The following ORMDL1 variants were observed in gnomAD, a reference collection of about 807,000 sequenced individuals.
ORMDL1 encodes ORMDL sphingolipid biosynthesis regulator 1.
In ORMDL1, 10 loss-of-function variants were observed where a neutral mutation model predicts 13.0. That is an observed-to-expected ratio of 0.77 (90% CI 0.47 to 1.30). ORMDL1 has a LOEUF of 1.30. Among genes scored for constraint, ORMDL1 ranks in the 50% most tolerant of loss-of-function variants. The pLI is 0.00. For missense variants in ORMDL1, 171 were observed against 186.7 expected (o/e 0.92, Z 0.49); for synonymous variants, 61 against 63.9 (o/e 0.95, Z 0.22).
At chr2:189,779,412 C>G (rs1344148230) in intron 3 of ORMDL1, among the ~76,000 whole-genome samples, 1 of 152,108 alleles carries the variant, frequency 6.6e-6, no homozygotes. Flanking sequence ...ACGCCAGTCT[C>G]TTAAAAACAA....
intron 3 of ORMDL1, chr2:189,778,317 C>A (rs147986634): frequency 0.041 from 18,107 of 441,198 alleles, 480 homozygotes; most frequent in South Asian, 0.068. Context: ...ATCGCTTGAA[C>A]CCAGGAGGGG....
At chr2:189,766,836 A>G (rs1310480709), downstream of ORMDL1, among the ~76,000 whole-genome samples, 1 of 152,246 alleles carries the variant, frequency 6.6e-6, no homozygotes, top group East Asian at 1.9e-4. Flanking sequence ...AGGAGTTCAT[A>G]AAAGTGGGGT....
intron 3 of ORMDL1, among the ~76,000 whole-genome samples, chr2:189,776,677 G>T (rs1239755649): frequency 2.0e-5 from 3 of 152,060 alleles, no homozygotes; most frequent in African/African-American, 7.2e-5. Flanking sequence ...TTCCTTTCAA[G>T]GCTTAGTCTA....
rs924134107 is a variant in ORMDL1, at chr2:189,771,401, T to G, written c.*366A>C. On this transcript the variant is annotated 3_prime_UTR_variant, in exon 5 of 5. Coordinates refer to ENST00000392349, the MANE Select transcript of ORMDL1 (RefSeq NM_016467.5). ...CTTTAAATAACCACAGCTGAATGAC[T>G]GGAAATGTTCTTTTCTTAACACAAT... 1.9e-5 allele frequency: 3 copies of G among 159,330 alleles called. No individual in the cohort carries two copies. Among genetic ancestry groups the G allele is most frequent in the African/African-American group, 7.2e-5 (3 of 41,784 alleles). The allele number at this position is 159,330 out of a possible 1,614,324, so 9.9% of individuals were successfully genotyped here. A position where few individuals can be genotyped will look rare whatever the true frequency, so the allele number is the denominator to read the frequency against.
intron 4 of ORMDL1, among the ~76,000 whole-genome samples, chr2:189,772,120 G>A (rs2047592375): frequency 6.6e-6 from 1 of 152,082 alleles, no homozygotes; most frequent in Non-Finnish European, 1.5e-5. Context: ...TTCCATTTCT[G>A]CAATTGTATT....
intron 4 of ORMDL1, chr2:189,773,954 G>A (rs2047637452): frequency 2.0e-5 from 3 of 152,212 alleles, no homozygotes; most frequent in African/African-American, 7.2e-5. Context: ...TTGGCTTTTT[G>A]TGTGATAGCT....
downstream of ORMDL1, among the ~76,000 whole-genome samples, chr2:189,766,556 T>C (rs955936185): frequency 1.3e-5 from 2 of 152,156 alleles, no homozygotes; most frequent in East Asian, 3.9e-4. Context: ...GATGGCCATC[T>C]CTACTAAGAA....
rs2047560129 is a variant in ORMDL1, at chr2:189,770,735, C to A, written c.*1032G>T. The A allele has an allele frequency of 6.6e-6, 1 of 152,054 alleles. No individual in the cohort carries two copies. The highest frequency in any genetic ancestry group is 6.6e-5 in the Admixed American group (1 of 15,260). 9.4% of individuals were successfully genotyped at this position (152,054 alleles called of 1,614,324 possible). ...CCATTTTGGGCTATATATACTAAAA[C>A]CCACGTATTCAAAGGCAAAATATGG... On this transcript the variant is annotated 3_prime_UTR_variant, in exon 5 of 5. Transcript: ENST00000392349.
chr2:189,782,495 T>A lies in ORMDL1; in HGVS notation c.101A>T (p.His34Leu). ...GAAGGGAATGCTGAGTAAGACAATA[T>A]GAAGCAAGCCAACTCCCAATGCATA... Reference protein sequence around the residue: ...LTYALGVGLLHIVLLSIPFFS... With the variant: ...LTYALGVGLLLIVLLSIPFFS... The change falls in exon 3 of 5, where the codon CAT becomes CTT. Residue 34 changes from histidine to leucine, a missense_variant. Coordinates refer to ENST00000392349, the MANE Select transcript of ORMDL1 (RefSeq NM_016467.5). 6.2e-7 allele frequency: 1 copy of A among 1,614,160 alleles called. No individual in the cohort carries two copies. The highest frequency in any genetic ancestry group is 8.5e-7 in the Non-Finnish European group (1 of 1,180,000).
intron 3 of ORMDL1, among the ~76,000 whole-genome samples, chr2:189,781,644 G>A (rs11899667): frequency 2.7e-4 from 41 of 151,326 alleles, no homozygotes; most frequent in Admixed American, 1.2e-3. Context: ...AAACTAAAAT[G>A]ATCTATTTTC....
At chr2:189,764,385 A>G in the ORMDL1 span, 3 of 152,196 alleles carry the variant, frequency 2.0e-5, no homozygotes, top group East Asian at 3.9e-4. Flanking sequence ...TGTGTGTGCT[A>G]TCATTGGTAG....
the ORMDL1 span, chr2:189,765,156 T>C: frequency 6.6e-6 from 1 of 152,228 alleles, no homozygotes; most frequent in Non-Finnish European, 1.5e-5. Flanking sequence ...AATATTTATT[T>C]CCTAATTATG....
intron 3 of ORMDL1, among the ~76,000 whole-genome samples, chr2:189,780,879 A>C (rs1217697685): frequency 1.3e-5 from 2 of 152,226 alleles, no homozygotes; most frequent in Non-Finnish European, 1.5e-5. Flanking sequence ...ATCCTCCTCC[A>C]GTCAACTTCA....
At chr2:189,772,828 G>C (rs1192885818) in intron 4 of ORMDL1, among the ~76,000 whole-genome samples, 9 of 152,194 alleles carry the variant, frequency 5.9e-5, no homozygotes, top group Non-Finnish European at 1.3e-4. Flanking sequence ...GGTTAGAAGA[G>C]AGGAGCTACT....
rs1454743904 is a variant in ORMDL1, at chr2:189,770,310, AG to A, written c.*1456del. 2 of 152,308 alleles carry A rather than the reference AG, an allele frequency of 1.3e-5. No homozygotes were observed. Among genetic ancestry groups the A allele is most frequent in the East Asian group, 1.9e-4 (1 of 5,186 alleles). The allele number at this position is 152,308 out of a possible 1,614,324, so 9.4% of individuals were successfully genotyped here. On this transcript the variant is annotated 3_prime_UTR_variant, in exon 5 of 5. Coordinates refer to ENST00000392349, the MANE Select transcript of ORMDL1 (RefSeq NM_016467.5). ...TTTTAATTTTGATGACTAAATTTGG[AG>A]GGCTTTTGAAATAATATTACACCAA...
At chr2:189,782,340 T>C (rs1466705122) in intron 3 of ORMDL1, 82 bp downstream of exon 3, 1 of 1,303,868 alleles carries the variant, frequency 7.7e-7, no homozygotes, top group East Asian at 2.5e-5. Context: ...AAGCAATAAC[T>C]TTCCATTCCT....
At chr2:189,768,805 C>A (rs763383602), downstream of ORMDL1, among the ~76,000 whole-genome samples, 1 of 151,966 alleles carries the variant, frequency 6.6e-6, no homozygotes, top group Non-Finnish European at 1.5e-5. Context: ...AAGTAATAAA[C>A]TGGAACTTAG....
At position 189,771,585 on chromosome 2, in the gene ORMDL1, A is replaced by T; in HGVS notation, c.*182T>A. On this transcript the variant is annotated 3_prime_UTR_variant, in exon 5 of 5. Coordinates refer to ENST00000392349, the MANE Select transcript of ORMDL1 (RefSeq NM_016467.5). ...TCTTCAGAAATGTACCAGGTGTATT[A>T]AACAGAGGCATCATTTAATGGAAAT... 1 of 522,614 alleles carries T rather than the reference A, an allele frequency of 1.9e-6. No individual in the cohort carries two copies. Among genetic ancestry groups the T allele is most frequent in the Non-Finnish European group, 3.2e-6 (1 of 310,310 alleles). The allele number at this position is 522,614 out of a possible 1,614,324, so 32.4% of individuals were successfully genotyped here.
At chr2:189,767,243 G>GT (rs1329279490), downstream of ORMDL1, among the ~76,000 whole-genome samples, 2 of 152,190 alleles carry the variant, frequency 1.3e-5, no homozygotes, top group African/African-American at 2.4e-5. Context: ...GCGAGTCTCT[G>GT]TTATTCCCAC....
Sources: gnomAD v4.1 joint callset for allele counts (sites outside exome capture counted in the v4.1 genomes callset) on GRCh38, gnomAD v4.1.1 for gene constraint, MANE v1.5 for transcripts, NCBI Gene and HGNC (gene_info 2026-07-23, HGNC 2026-07-21) for gene names.